Variants in PDE1C observed in about 807,000 individuals in gnomAD.
PDE1C encodes the protein phosphodiesterase 1C, also known as dual specificity calcium/calmodulin-dependent 3',5'-cyclic nucleotide phosphodiesterase 1C.
PDE1C carries 62 observed loss-of-function variants against 93.1 expected under a neutral mutation model. The ratio of observed to expected loss-of-function variants is 0.67; its 90% CI spans 0.54 to 0.82. The LOEUF (loss-of-function observed/expected upper bound fraction) is 0.82, where lower values mean the gene tolerates loss of function less well. PDE1C is among the 40% of genes least tolerant of loss of function. The pLI, the probability that PDE1C is intolerant of heterozygous loss-of-function variation, is 0.00. For synonymous variants in PDE1C, 325 were observed against 310.1 expected, an observed-to-expected ratio of 1.05 and a Z score of -0.50; for missense variants, 742 against 884.6, an observed-to-expected ratio of 0.84 and a Z score of 2.04.
chr7:32,181,251 T>G (rs1435449942), intron 2 of PDE1C, among the ~76,000 whole-genome samples: 2 of 151,772 alleles, frequency 1.3e-5, no homozygotes, highest in Non-Finnish European at 2.9e-5. Flanking sequence ...AGACAGAAAG[T>G]TAACAAGGAT....
At chr7:32,367,378 C>A (rs188421541) in intron 1 of PDE1C, among the ~76,000 whole-genome samples, 3 of 152,176 alleles carry the variant, frequency 2.0e-5, no homozygotes, top group East Asian at 1.9e-4. Context: ...ATGAAAAGAG[C>A]AAATAAAATG....
chr7:31,763,166 G>T (rs1189761906), intron 17 of PDE1C, among the ~76,000 whole-genome samples: 2 of 152,156 alleles, frequency 1.3e-5, no homozygotes, highest in Non-Finnish European at 1.5e-5. Flanking sequence ...GAGCAACTTG[G>T]TTTATACTTA....
intron 3 of PDE1C, among the ~76,000 whole-genome samples, chr7:32,149,683 C>T (rs17160928): frequency 0.23 from 35,186 of 152,014 alleles, 4,719 homozygotes; most frequent in East Asian, 0.37. Flanking sequence ...AATTTTAGAA[C>T]GTGATACTAT....
the PDE1C span, among the ~76,000 whole-genome samples, chr7:31,718,239 T>A: frequency 6.6e-6 from 1 of 152,016 alleles, no homozygotes; most frequent in African/African-American, 2.4e-5. Flanking sequence ...TTCTGGAACC[T>A]CTGGCAACAG....
intron 1 of PDE1C, among the ~76,000 whole-genome samples, chr7:32,368,352 C>A (rs570080779): frequency 6.6e-6 from 1 of 152,064 alleles, no homozygotes; most frequent in East Asian, 1.9e-4. Flanking sequence ...TGTTTCTATA[C>A]ACAAAAAACA....
At chr7:32,240,435 A>G (rs1808460832) in intron 1 of PDE1C, among the ~76,000 whole-genome samples, 1 of 152,224 alleles carries the variant, frequency 6.6e-6, no homozygotes, top group African/African-American at 2.4e-5. Flanking sequence ...AAACAAACAG[A>G]TACATATTTA....
intron 1 of PDE1C, among the ~76,000 whole-genome samples, chr7:32,295,617 C>A (rs562099892): frequency 1.3e-5 from 2 of 152,128 alleles, no homozygotes; most frequent in African/African-American, 4.8e-5. Flanking sequence ...ATGGGTCAGG[C>A]GCAGTGGCTC....
intron 5 of PDE1C, among the ~76,000 whole-genome samples, chr7:31,876,986 A>T (rs760047232): frequency 5.9e-5 from 9 of 152,190 alleles, no homozygotes; most frequent in Non-Finnish European, 1.2e-4. Flanking sequence ...ACATTAAATT[A>T]ATCAAGAAGC....
At chr7:32,063,323 C>T (rs1241357476) in intron 1 of PDE1C, among the ~76,000 whole-genome samples, 3 of 152,104 alleles carry the variant, frequency 2.0e-5, no homozygotes, top group Non-Finnish European at 4.4e-5. Flanking sequence ...AGTTGTTTCT[C>T]AAAAATCCAG....
intron 1 of PDE1C, among the ~76,000 whole-genome samples, chr7:32,307,664 T>G (rs930078207): frequency 2.0e-5 from 3 of 152,180 alleles, no homozygotes; most frequent in Non-Finnish European, 4.4e-5. Flanking sequence ...AGTTGGAACC[T>G]TTCTACCTTA....
At chr7:31,702,764 C>A in the PDE1C span, among the ~76,000 whole-genome samples, 1 of 152,212 alleles carries the variant, frequency 6.6e-6, no homozygotes, top group African/African-American at 2.4e-5. Context: ...CTAGTCCAAT[C>A]ATTTCTACAT....
intron 7 of PDE1C, among the ~76,000 whole-genome samples, chr7:31,851,217 G>C (rs1319122602): frequency 6.6e-6 from 1 of 152,132 alleles, no homozygotes; most frequent in Non-Finnish European, 1.5e-5. Context: ...AAAAATACTG[G>C]CTTTCTGCTC....
intron 2 of PDE1C, among the ~76,000 whole-genome samples, chr7:31,903,031 TG>T (rs1020003497): frequency 4.6e-5 from 7 of 151,816 alleles, no homozygotes; most frequent in African/African-American, 1.7e-4. Context: ...ATATTTCATT[TG>T]AACAAATAAA....
At chr7:31,659,440 G>A in the PDE1C span, among the ~76,000 whole-genome samples, 1 of 152,182 alleles carries the variant, frequency 6.6e-6, no homozygotes, top group African/African-American at 2.4e-5. Flanking sequence ...TTCCCTGTCT[G>A]TTCCACACAG....
chr7:32,000,150 T>C (rs1366124555), intron 2 of PDE1C, among the ~76,000 whole-genome samples: 35 of 152,194 alleles, frequency 2.3e-4, no homozygotes, highest in Admixed American at 2.3e-3. Context: ...ATAACTAGAC[T>C]GTACTAATGT....
intron 1 of PDE1C, among the ~76,000 whole-genome samples, chr7:32,278,951 T>C (rs916671938): frequency 1.3e-5 from 2 of 152,226 alleles, no homozygotes; most frequent in African/African-American, 2.4e-5. Flanking sequence ...GAGAGAAATG[T>C]TCTAAAATTA....
chr7:32,223,255 C>G (rs540484643), intron 1 of PDE1C, among the ~76,000 whole-genome samples: 1 of 152,336 alleles, frequency 6.6e-6, no homozygotes, highest in Admixed American at 6.5e-5. Flanking sequence ...TGCTATGCTG[C>G]TGGTACTAAG....
chr7:32,231,979 A>G (rs929564039), intron 1 of PDE1C, among the ~76,000 whole-genome samples: 3 of 151,898 alleles, frequency 2.0e-5, no homozygotes, highest in Non-Finnish European at 4.4e-5. Flanking sequence ...ACACACACAC[A>G]CACACACACA....
intron 15 of PDE1C, among the ~76,000 whole-genome samples, chr7:31,811,134 C>T (rs1175586861): frequency 6.6e-6 from 1 of 152,008 alleles, no homozygotes; most frequent in Non-Finnish European, 1.5e-5. Context: ...GGCAGTTTCC[C>T]CCATACTGTT....
Sources: gnomAD v4.1 joint callset for allele counts (sites outside exome capture counted in the v4.1 genomes callset) on GRCh38, gnomAD v4.1.1 for gene constraint, MANE v1.5 for transcripts, NCBI Gene and HGNC (gene_info 2026-07-23, HGNC 2026-07-21) for gene names.